The following IGSF9 variants were observed in gnomAD, a reference collection of about 807,000 sequenced individuals.
IGSF9 encodes protein turtle homolog A.
In IGSF9, 87 loss-of-function variants were observed where a neutral mutation model predicts 121.7. The observed-to-expected ratio is 0.71, with a 90% confidence interval of 0.60 to 0.85. The LOEUF (loss-of-function observed/expected upper bound fraction) is 0.85. Ranked by LOEUF, IGSF9 falls within the 40% of genes least tolerant of loss-of-function variation. The probability of loss-of-function intolerance (pLI) is 0.00; values close to 1 mark genes in which losing one functional copy is unlikely to be tolerated. For missense variants in IGSF9, 1,462 were observed against 1,565.3 expected (o/e 0.93, Z 1.11); for synonymous variants, 640 against 648.4 (o/e 0.99, Z 0.20).
intron 3 of IGSF9, 28 bp from the exon 4 acceptor site, chr1:159,937,866 G>A (rs1057313028): frequency 6.2e-7 from 1 of 1,604,606 alleles, no homozygotes; most frequent in Non-Finnish European, 8.5e-7. Flanking sequence ...AATCAAGGGT[G>A]CTGAAGGAAC....
Position 159,943,164 on chromosome 1 carries a change from T to TG in IGSF9, c.59-14dup. 1.3e-6 allele frequency: 2 copies of TG among 1,576,244 alleles called. No individual in the cohort carries two copies. The highest frequency in any genetic ancestry group is 1.7e-6 in the Non-Finnish European group (2 of 1,165,610). ...GGCTTCCCTCGACCTGCATGATGGG[T>TG]GGCATGAGGGCACAACGGGGGGCTA... is the stretch of plus-strand genomic sequence containing the variant. On this transcript the variant is annotated splice_polypyrimidine_tract_variant and intron_variant, in intron 2 of 20. Transcript: ENST00000368094.
Position 159,931,510 on chromosome 1 carries a change from AT to A in IGSF9, c.1455del (p.Glu485AspfsTer86). On this transcript the variant is annotated frameshift_variant, in exon 12 of 21. Transcript: ENST00000368094. LOFTEE classifies it high-confidence loss of function. This position sits in a 1 kb window ranked among gnomAD's most constrained non-coding sequence, Gnocchi z 4.8. Reference sequence around the variant, plus strand: ...CGGGCCACAGCATTGCTGGCACTGCATTCCCAGTGCCCGTGGGCCTCCTTGG... The same window carrying A: ...CGGGCCACAGCATTGCTGGCACTGCATCCCAGTGCCCGTGGGCCTCCTTGG... ...PLTKEAHGHW[E>X]CSASNAVARV... The A allele has an allele frequency of 1.2e-6, 2 of 1,614,046 alleles. No individual in the cohort carries two copies. The highest frequency in any genetic ancestry group is 1.7e-6 in the Non-Finnish European group (2 of 1,179,926).
Position 159,932,780 on chromosome 1 carries a change from T to A in IGSF9, c.1105-128A>T. The stretch of plus-strand genomic sequence containing the variant: ...CAGAAGACTCCAGCAGCTCCATGTC[T>A]AGGCCTGACCCCTCTCTGATTTCCA... On this transcript the variant is annotated intron_variant, in intron 9 of 20. Transcript: ENST00000368094. This position sits in a 1 kb window ranked among gnomAD's most constrained non-coding sequence, Gnocchi z 4.1. 1 of 865,902 alleles carries A rather than the reference T, an allele frequency of 1.2e-6. No individual in the cohort carries two copies. Among genetic ancestry groups the A allele is most frequent in the Non-Finnish European group, 1.7e-6 (1 of 578,400 alleles). The allele number at this position is 865,902 out of a possible 1,614,324, so 53.6% of individuals were successfully genotyped here.
intron 3 of IGSF9, among the ~76,000 whole-genome samples, chr1:159,942,733 T>C (rs187188624): frequency 6.8e-5 from 9 of 132,612 alleles, no homozygotes; most frequent in African/African-American, 1.2e-4. Context: ...AGCACAGCTA[T>C]AAGAGTGTGA....
At chr1:159,937,605 C>T in intron 4 of IGSF9, 81 bp downstream of exon 4, 1 of 1,489,290 alleles carries the variant, frequency 6.7e-7, no homozygotes, top group Non-Finnish European at 9.3e-7. Flanking sequence ...AGAACTCCCT[C>T]TTCCCCTTTC....
intron 17 of IGSF9, 108 bp from the exon 18 acceptor site, chr1:159,929,501 C>A: frequency 1.3e-6 from 2 of 1,505,098 alleles, no homozygotes; most frequent in East Asian, 2.3e-5. Context: ...CTGGGAAAAG[C>A]GTAGGCAGGA....
At chr1:159,942,939 C>A (rs1383913137) in intron 3 of IGSF9, 24 bp downstream of exon 3, 1 of 1,603,068 alleles carries the variant, frequency 6.2e-7, no homozygotes, top group Non-Finnish European at 8.5e-7. Flanking sequence ...ACCTCCCTAC[C>A]TCCCACCTGA....
chr1:159,934,960 CAGAA>C, intron 6 of IGSF9, 138 bp from the exon 7 acceptor site: 16 of 908,392 alleles, frequency 1.8e-5, no homozygotes, highest in Non-Finnish European at 2.3e-5. Flanking sequence ...GGAGTGGAAG[CAGAA>C]GCTTCCCCCT....
At chr1:159,933,304 C>G (rs1164886034) in intron 9 of IGSF9, 1 of 152,512 alleles carries the variant, frequency 6.6e-6, no homozygotes, top group African/African-American at 2.4e-5. Flanking sequence ...CACCAATGCT[C>G]AACAAATTCC....
rs769663540 is a variant in IGSF9, at chr1:159,930,794, C to G, written c.1711G>C (p.Val571Leu). The G allele has an allele frequency of 9.3e-6, 15 of 1,614,090 alleles. No homozygotes were observed. Among genetic ancestry groups the G allele is most frequent in the Non-Finnish European group, 1.3e-5 (15 of 1,179,948 alleles). The change falls in exon 14 of 21, where the codon GTG (valine) becomes CTG (leucine). Residue 571 changes from valine to leucine, a missense_variant. Around this residue, in one of 3 missense-constraint regions of IGSF9, gnomAD observed 808 missense variants for 815.2 expected, o/e 0.99. Transcript: ENST00000368094. ...TGGGTGTGGGGCTGCAGCCCTGGCA[C>G]TAGGAGGTGAGCAGCCCCCACAGGC... ...AVPVGAAHLL[V>L]PGLQPHTQYQ...
rs774340395 is a variant in IGSF9 at position 159,931,907 on chromosome 1, G to T, written c.1267C>A (p.Arg423=). The T allele has an allele frequency of 1.3e-6, 2 of 1,595,262 alleles. No homozygotes were observed. The highest frequency in any genetic ancestry group is 1.7e-6 in the Non-Finnish European group (2 of 1,174,350). ...TCTTGGAAATATTCTTCCTTGGGCC[G>T]CTCTATAAAAGCTGGGGGAGCCTGC... ...LLKAPPAFIE[R]PKEEYFQEVG... is the part of the protein sequence containing the mutation. Residue 423 remains arginine (R), a synonymous_variant, in exon 11 of 21, where the codon CGG becomes AGG. Transcript: ENST00000368094. The surrounding 1 kb of genome is among the most constrained non-coding windows in gnomAD (Gnocchi z 4.8).
intron 6 of IGSF9, 143 bp from the exon 7 acceptor site, chr1:159,934,965 G>T: frequency 1.1e-6 from 1 of 870,548 alleles, no homozygotes; most frequent in Non-Finnish European, 1.7e-6. Flanking sequence ...GGAAGCAGAA[G>T]CTTCCCCCTG....
chr1:159,932,770 G>A lies in IGSF9; in HGVS notation c.1105-118C>T. On this transcript the variant is annotated intron_variant, in intron 9 of 20. Coordinates refer to ENST00000368094, the MANE Select transcript of IGSF9 (RefSeq NM_001135050.2). This position sits in a 1 kb window ranked among gnomAD's most constrained non-coding sequence, Gnocchi z 4.1. ...CACAGCTGTGCAGAAGACTCCAGCA[G>A]CTCCATGTCTAGGCCTGACCCCTCT... The A allele has an allele frequency of 2.0e-6, 2 of 999,826 alleles. No individual in the cohort carries two copies. Among genetic ancestry groups the A allele is most frequent in the Non-Finnish European group, 1.4e-6 (1 of 694,048 alleles). 61.9% of individuals were successfully genotyped at this position (999,826 alleles called of 1,614,324 possible).
intron 6 of IGSF9, 115 bp downstream of exon 6, chr1:159,936,284 G>T (rs1159637000): frequency 1.1e-6 from 1 of 905,916 alleles, no homozygotes; most frequent in Admixed American, 1.8e-5. Context: ...AGCTTCCACG[G>T]GCCCTGCCCT....
rs2101877031 is a variant in IGSF9, at chr1:159,932,204, C to A, written c.1246-276G>T. The A allele has an allele frequency of 1.7e-6, 1 of 574,452 alleles. No individual in the cohort carries two copies. The highest frequency in any genetic ancestry group is 1.9e-5 in the African/African-American group (1 of 53,334). The allele number at this position is 574,452 out of a possible 1,614,324, so 35.6% of individuals were successfully genotyped here. On this transcript the variant is annotated intron_variant, in intron 10 of 20. Transcript: ENST00000368094. The surrounding 1 kb of genome is among the most constrained non-coding windows in gnomAD (Gnocchi z 4.1). The stretch of plus-strand genomic sequence containing the variant: ...AGGACTCTCAGAGATGTACAAACCT[C>A]TGCAGAACATTCTTCCTCCCAGAGC...
At chr1:159,938,195 A>T (rs547101273) in intron 3 of IGSF9, among the ~76,000 whole-genome samples, 1 of 152,180 alleles carries the variant, frequency 6.6e-6, no homozygotes, top group East Asian at 1.9e-4. Flanking sequence ...GGATCTGTCC[A>T]CCTCTGGGCT....
Position 159,943,050 on chromosome 1 carries a change from C to T in IGSF9, c.160G>A (p.Val54Ile). 1 of 1,613,240 alleles carries T rather than the reference C, an allele frequency of 6.2e-7. No individual in the cohort carries two copies. The highest frequency in any genetic ancestry group is 1.3e-5 in the African/African-American group (1 of 74,976). ...AATCCAAAGCGCAGCCACTCGATGA[C>T]ATGCAGGGGGGGCCGGCCGGCCGGG... The part of the protein sequence containing the change: ...LPPAGRPPLH[V>I]IEWLRFGFLL... The change falls in exon 3 of 21, where the codon GTC (valine) becomes ATC (isoleucine). Residue 54 changes from valine (V) to isoleucine (I), a missense_variant. This residue lies in a region of IGSF9 where 558 missense variants were observed against 599.4 expected (regional missense o/e 0.93). Coordinates refer to ENST00000368094, the MANE Select transcript of IGSF9 (RefSeq NM_001135050.2).
intron 17 of IGSF9, 82 bp from the exon 18 acceptor site, chr1:159,929,475 G>A: frequency 6.5e-7 from 1 of 1,545,710 alleles, no homozygotes. Flanking sequence ...AACACCAGGC[G>A]CCCAACCCCA....
At chr1:159,940,151 A>C (rs1651329555) in intron 3 of IGSF9, among the ~76,000 whole-genome samples, 1 of 152,222 alleles carries the variant, frequency 6.6e-6, no homozygotes, top group South Asian at 2.1e-4. Flanking sequence ...CATGGCTAGT[A>C]AGTGACAAAG....
Sources: allele counts gnomAD v4.1 joint callset (sites outside exome capture counted in the v4.1 genomes callset), GRCh38; gene constraint gnomAD v4.1.1; regional missense constraint gnomAD v4.1.1; non-coding constraint Gnocchi (gnomAD v3.1); transcripts MANE v1.5; gene names NCBI Gene and HGNC (gene_info 2026-07-23, HGNC 2026-07-21).